The following RIMS1 variants were observed in gnomAD, a reference collection of about 807,000 sequenced individuals.
The protein encoded by RIMS1 is regulating synaptic membrane exocytosis 1.
Under a neutral mutation model 214.1 loss-of-function variants are expected in RIMS1, and 83 were observed. The ratio of observed to expected loss-of-function variants is 0.39; its 90% CI spans 0.32 to 0.47. The LOEUF (loss-of-function observed/expected upper bound fraction) is 0.47, where lower values mean the gene tolerates loss of function less well. Among genes scored for constraint, RIMS1 ranks in the 20% least tolerant of loss-of-function variants. The pLI, the probability that RIMS1 is intolerant of heterozygous loss-of-function variation, is 0.99. For synonymous variants in RIMS1, 793 were observed against 786.8 expected, an observed-to-expected ratio of 1.01 and a Z score of -0.13; for missense variants, 2,050 against 2,161.8, an observed-to-expected ratio of 0.95 and a Z score of 1.03.
rs770292640 is a variant in RIMS1 at position 71,984,769 on chromosome 6, GTACATATCTATCTATC to G, written c.245+15709_245+15724del. Reference sequence around the variant, plus strand: ...TGTATGTATGTATGTATGTATGTATGTACATATCTATCTATCTATCTATCTATCTATCTATCTATCT... The same window carrying G: ...TGTATGTATGTATGTATGTATGTATGTATCTATCTATCTATCTATCTATCT... On this transcript the variant is annotated intron_variant, in intron 2 of 33. Coordinates refer to ENST00000521978, the MANE Select transcript of RIMS1 (RefSeq NM_014989.7). Among the ~76,000 whole-genome samples, 311 of 125,076 alleles carry G rather than the reference GTACATATCTATCTATC, an allele frequency of 2.5e-3. 2 individuals are homozygous for G. Among genetic ancestry groups the G allele is most frequent in the African/African-American group, 8.8e-3 (299 of 34,148 alleles). The allele number at this position is 125,076 out of a possible 152,430, so 82.1% of individuals were successfully genotyped here.
chr6:72,214,407 G>A (rs2054830040), intron 6 of RIMS1, among the ~76,000 whole-genome samples: 1 of 151,928 alleles, frequency 6.6e-6, no homozygotes. Context: ...AGTATTTTCT[G>A]TTAGAAATGC....
At chr6:71,976,377 A>G (rs1233324718) in intron 2 of RIMS1, among the ~76,000 whole-genome samples, 1 of 152,070 alleles carries the variant, frequency 6.6e-6, no homozygotes, top group African/African-American at 2.4e-5. Flanking sequence ...CTATCAAAAT[A>G]TTTTCTTCCG....
At chr6:72,200,857 T>TTTGTGTGTG (rs1281701485) in intron 6 of RIMS1, among the ~76,000 whole-genome samples, 123 of 146,156 alleles carry the variant, frequency 8.4e-4, no homozygotes, top group Non-Finnish European at 1.6e-3. Flanking sequence ...AAGGACACAA[T>TTTGTGTGTG]TGTGTGTGTG....
At chr6:72,252,637 G>T (rs1399967364) in intron 15 of RIMS1, 124 bp from the exon 16 acceptor site, 2 of 735,552 alleles carry the variant, frequency 2.7e-6, no homozygotes, top group East Asian at 2.7e-5. Flanking sequence ...AGTGTTTACT[G>T]TATTAGTCTT....
intron 7 of RIMS1, among the ~76,000 whole-genome samples, chr6:72,234,694 A>G (rs572897526): frequency 7.0e-4 from 107 of 152,018 alleles, no homozygotes; most frequent in Non-Finnish European, 1.3e-3. Flanking sequence ...TCACTGATCT[A>G]AAAATCCCTG....
chr6:71,992,423 T>TTTCTTTCC (rs1554175510), intron 2 of RIMS1, among the ~76,000 whole-genome samples: 18 of 75,028 alleles, frequency 2.4e-4, no homozygotes, highest in African/African-American at 1.1e-3. Context: ...TCTTTCTTTC[T>TTTCTTTCC]TTCTTTCTTT....
chr6:72,038,106 AAAAAAAAAAAAAATATATATATAT>A (rs1820259145), intron 2 of RIMS1, among the ~76,000 whole-genome samples: 1 of 78,310 alleles, frequency 1.3e-5, no homozygotes, highest in Non-Finnish European at 2.4e-5. Context: ...AAAAAAAAAA[AAAAAAAAAAAAAATATATATATAT>A]ATATATATAT....
chr6:72,337,796 T>G (rs1227623226), intron 29 of RIMS1, among the ~76,000 whole-genome samples: 1 of 140,036 alleles, frequency 7.1e-6, no homozygotes, highest in African/African-American at 2.7e-5. Flanking sequence ...TTTGTCCACG[T>G]GTTCTCATTG....
chr6:71,927,302 G>T (rs1243083207), intron 1 of RIMS1, among the ~76,000 whole-genome samples: 1 of 152,090 alleles, frequency 6.6e-6, no homozygotes, highest in African/African-American at 2.4e-5. Flanking sequence ...AAGACATTCG[G>T]ACTGATTCAC....
intron 1 of RIMS1, among the ~76,000 whole-genome samples, chr6:71,913,960 G>C (rs1312551602): frequency 6.6e-6 from 1 of 152,094 alleles, no homozygotes; most frequent in Non-Finnish European, 1.5e-5. Context: ...TTCAGAAGAA[G>C]AGCCAAAGTA....
intron 23 of RIMS1, among the ~76,000 whole-genome samples, chr6:72,281,551 T>G (rs1235324027): frequency 6.6e-6 from 1 of 152,110 alleles, no homozygotes; most frequent in African/African-American, 2.4e-5. Flanking sequence ...CCTTTGATTG[T>G]GCAGAAGTTT....
chr6:71,979,552 T>C (rs1239025857), intron 2 of RIMS1, among the ~76,000 whole-genome samples: 1 of 152,100 alleles, frequency 6.6e-6, no homozygotes, highest in African/African-American at 2.4e-5. Flanking sequence ...TCTACATTAT[T>C]CATTTATTTT....
chr6:71,971,444 A>C (rs1314742074), intron 2 of RIMS1, among the ~76,000 whole-genome samples: 1 of 152,220 alleles, frequency 6.6e-6, no homozygotes, highest in African/African-American at 2.4e-5. Context: ...TTGCCAATTG[A>C]ATATGGGTTT....
At chr6:72,126,286 G>T (rs891552558) in intron 4 of RIMS1, among the ~76,000 whole-genome samples, 1 of 152,116 alleles carries the variant, frequency 6.6e-6, no homozygotes, top group Non-Finnish European at 1.5e-5. Context: ...ATGAATCAAA[G>T]ACTTAAATCT....
chr6:72,189,978 AT>A (rs896342136), intron 6 of RIMS1, among the ~76,000 whole-genome samples: 4 of 152,150 alleles, frequency 2.6e-5, no homozygotes, highest in African/African-American at 9.7e-5. Context: ...TTTGTCACCA[AT>A]TTTCCAGTCA....
chr6:72,377,656 T>A (rs984962934), intron 29 of RIMS1, among the ~76,000 whole-genome samples: 1 of 152,196 alleles, frequency 6.6e-6, no homozygotes, highest in African/African-American at 2.4e-5. Flanking sequence ...ATAAACTGCC[T>A]GTATTGATTA....
intron 1 of RIMS1, among the ~76,000 whole-genome samples, chr6:71,895,356 A>C (rs899975428): frequency 1.3e-5 from 2 of 152,154 alleles, no homozygotes; most frequent in Non-Finnish European, 2.9e-5. Context: ...TGTTGTTTAA[A>C]CACAGCTTTT....
At chr6:72,098,949 T>A (rs570439055) in intron 3 of RIMS1, among the ~76,000 whole-genome samples, 3 of 152,184 alleles carry the variant, frequency 2.0e-5, no homozygotes, top group African/African-American at 4.8e-5. Flanking sequence ...TAACTTCCCC[T>A]TCTATAGTGC....
At chr6:72,180,622 A>T (rs1562508468) in intron 5 of RIMS1, among the ~76,000 whole-genome samples, 1 of 152,380 alleles carries the variant, frequency 6.6e-6, no homozygotes, top group South Asian at 2.1e-4. Context: ...TTCATTCAAA[A>T]ATGTATTCAT....
Sources: gnomAD v4.1 joint callset for allele counts (sites outside exome capture counted in the v4.1 genomes callset) on GRCh38, gnomAD v4.1.1 for gene constraint, MANE v1.5 for transcripts, NCBI Gene and HGNC (gene_info 2026-07-23, HGNC 2026-07-21) for gene names.